Variants in CRY1 observed in about 807,000 individuals in gnomAD.
The protein encoded by CRY1 is cryptochrome circadian regulator 1.
CRY1 carries 45 observed loss-of-function variants against 76.0 expected under a neutral mutation model. The observed-to-expected ratio is 0.59, with a 90% CI of 0.47 to 0.76. The LOEUF is 0.76. Among genes scored for constraint, CRY1 ranks in the 30% least tolerant of loss-of-function variants. The pLI, the probability that CRY1 is intolerant of heterozygous loss-of-function variation, is 0.00. For synonymous variants in CRY1, 248 were observed against 244.0 expected (o/e 1.02, Z -0.15); for missense variants, 587 against 716.4 (o/e 0.82, Z 2.06).
chr12:107,060,848 G>A (rs1953038086), intron 1 of CRY1, among the ~76,000 whole-genome samples: 1 of 152,032 alleles, frequency 6.6e-6, no homozygotes, highest in African/African-American at 2.4e-5. Flanking sequence ...TGTGGTGGCG[G>A]GCACCTGTAG....
chr12:107,020,494 C>T (rs1182399707), intron 2 of CRY1, among the ~76,000 whole-genome samples: 1 of 151,426 alleles, frequency 6.6e-6, no homozygotes, highest in Non-Finnish European at 1.5e-5. Context: ...CCCCTTGGTG[C>T]TCTGATAGTG....
intron 1 of CRY1, among the ~76,000 whole-genome samples, chr12:107,025,820 C>G (rs1417849791): frequency 1.3e-5 from 2 of 151,878 alleles, no homozygotes; most frequent in Non-Finnish European, 2.9e-5. Flanking sequence ...TGCTTGGCTA[C>G]TAACCTAGGG....
chr12:107,088,793 T>A (rs964051994), intron 1 of CRY1, among the ~76,000 whole-genome samples: 1 of 152,252 alleles, frequency 6.6e-6, no homozygotes, highest in African/African-American at 2.4e-5. Context: ...TTCAGAATAC[T>A]GCTAATCATC....
chr12:107,084,303 C>T (rs1453761485), intron 1 of CRY1, among the ~76,000 whole-genome samples: 3 of 152,318 alleles, frequency 2.0e-5, no homozygotes, highest in South Asian at 2.1e-4. Context: ...TTACCATTGA[C>T]TTTCTTCACA....
chr12:107,065,134 A>G (rs1301341704), intron 1 of CRY1, among the ~76,000 whole-genome samples: 1 of 152,108 alleles, frequency 6.6e-6, no homozygotes, highest in Non-Finnish European at 1.5e-5. Context: ...CATCTCTACT[A>G]AAAATACAAA....
intron 2 of CRY1, 42 bp downstream of exon 2, chr12:107,022,042 A>C: frequency 7.2e-7 from 1 of 1,379,996 alleles, no homozygotes; most frequent in African/African-American, 1.4e-5. Flanking sequence ...ATGTAATATT[A>C]TCTGAGAAAA....
At chr12:106,996,967 C>T (rs909645970) in intron 10 of CRY1, among the ~76,000 whole-genome samples, 1 of 152,178 alleles carries the variant, frequency 6.6e-6, no homozygotes, top group Admixed American at 6.5e-5. Flanking sequence ...TTATAGTTGC[C>T]ATACACCTAA....
In CRY1 at chr12:106,992,957, A is replaced by T; in HGVS notation, c.1657+8T>A. ...AAAGAACAGTATGCTCCAATGCTTCATTCTTACCTTGCTTCAACAGGTGAG... is the reference window on the plus strand; with the variant it reads ...AAAGAACAGTATGCTCCAATGCTTCTTTCTTACCTTGCTTCAACAGGTGAG... On this transcript the variant is annotated splice_region_variant and intron_variant, in intron 11 of 12. Transcript: ENST00000008527. 1 of 1,614,074 alleles carries T rather than the reference A, an allele frequency of 6.2e-7. No homozygotes were observed. The highest frequency in any genetic ancestry group is 8.5e-7 in the Non-Finnish European group (1 of 1,179,940).
chr12:107,037,933 T>C (rs769059420), intron 1 of CRY1, among the ~76,000 whole-genome samples: 6 of 152,094 alleles, frequency 3.9e-5, no homozygotes, highest in Non-Finnish European at 8.8e-5. Context: ...GGATTCGAAC[T>C]CCCAATCTCA....
intron 1 of CRY1, among the ~76,000 whole-genome samples, chr12:107,071,474 A>G (rs1465403583): frequency 6.6e-6 from 1 of 152,196 alleles, no homozygotes; most frequent in Non-Finnish European, 1.5e-5. Flanking sequence ...CTATTTGATA[A>G]TTCTACACAT....
intron 1 of CRY1, among the ~76,000 whole-genome samples, chr12:107,073,811 T>C (rs1953219811): frequency 6.6e-6 from 1 of 152,156 alleles, no homozygotes; most frequent in Non-Finnish European, 1.5e-5. Flanking sequence ...TACCCTAATT[T>C]TAATTATCAC....
chr12:107,088,903 C>T (rs1479410489), intron 1 of CRY1, among the ~76,000 whole-genome samples: 2 of 152,196 alleles, frequency 1.3e-5, no homozygotes, highest in African/African-American at 4.8e-5. Flanking sequence ...CCTCCCAACT[C>T]CCTAGCTTCC....
Position 106,999,540 on chromosome 12 carries a change from AG to A in CRY1, c.1137+10del, listed in dbSNP as rs1212431580. ...CAAAATAAGGCATGCTATATCAGTT[AG>A]AACACTTACCTTCATTCCTTCTTCC... On this transcript the variant is annotated intron_variant, in intron 7 of 12. Coordinates refer to ENST00000008527, the MANE Select transcript of CRY1 (RefSeq NM_004075.5). The A allele has an allele frequency of 1.9e-6, 3 of 1,601,286 alleles. No homozygotes were observed. The highest frequency in any genetic ancestry group is 1.3e-5 in the African/African-American group (1 of 74,522).
chr12:106,992,705 T>C (rs1181261426), intron 12 of CRY1, 82 bp downstream of exon 12: 1 of 1,199,566 alleles, frequency 8.3e-7, no homozygotes, highest in Non-Finnish European at 1.2e-6. Flanking sequence ...AAAATAGAGA[T>C]TTGCTCCATT....
chr12:107,081,614 T>C (rs1646454848), intron 1 of CRY1, among the ~76,000 whole-genome samples: 1 of 152,082 alleles, frequency 6.6e-6, no homozygotes, highest in Non-Finnish European at 1.5e-5. Flanking sequence ...CTATAATGGA[T>C]AGGGACACAA....
rs200714289 is a variant in CRY1 at position 107,073,723 on chromosome 12, A to AGTCC, written c.158+19077_158+19080dup. ...CAGCCTGGGCGACCAATTGAGACAG[A>AGTCC]GTCCGTTTCAAAAAAATAGAAAAGA... On this transcript the variant is annotated intron_variant, in intron 1 of 12. Transcript: ENST00000008527. Among the ~76,000 whole-genome samples the AGTCC allele has an allele frequency of 8.3e-3, 1,263 of 152,182 alleles. 13 individuals carry two copies. Among genetic ancestry groups the AGTCC allele is most frequent in the African/African-American group, 0.029 (1,185 of 41,544 alleles).
chr12:107,061,306 G>C (rs1293783367), intron 1 of CRY1, among the ~76,000 whole-genome samples: 1 of 151,466 alleles, frequency 6.6e-6, no homozygotes, highest in Non-Finnish European at 1.5e-5. Flanking sequence ...TTAATTCAGT[G>C]AACCCTAAAA....
In CRY1 at chr12:107,083,699, A is replaced by C. The variant is rs529734168; in HGVS notation, c.158+9105T>G. ...TATTGATGGAACGTTACTCAGAATA[A>C]TAAGAGCTATTTATGACAAACCCAT... is the stretch of plus-strand genomic sequence containing the variant. On this transcript the variant is annotated intron_variant, in intron 1 of 12. Transcript: ENST00000008527. 3.3e-5 allele frequency among the ~76,000 whole-genome samples: 5 copies of C among 152,338 alleles called. 1 individual carries two copies. The South Asian group carries it at 1.0e-3, about 32-fold the overall frequency.
intron 1 of CRY1, among the ~76,000 whole-genome samples, chr12:107,061,681 C>A (rs1373820643): frequency 2.0e-5 from 3 of 152,034 alleles, no homozygotes; most frequent in Non-Finnish European, 4.4e-5. Flanking sequence ...TGCGCCCGGC[C>A]CCTAATACAT....
Sources: allele counts gnomAD v4.1 joint callset (sites outside exome capture counted in the v4.1 genomes callset), GRCh38; gene constraint gnomAD v4.1.1; transcripts MANE v1.5; gene names NCBI Gene and HGNC (gene_info 2026-07-23, HGNC 2026-07-21).